The following XRCC3 variants were observed in gnomAD, a reference collection of about 807,000 sequenced individuals.
The protein encoded by XRCC3 is X-ray repair cross complementing 3.
In XRCC3, 34 loss-of-function variants were observed where a neutral mutation model predicts 29.2. The observed-to-expected ratio is 1.16, with a 90% CI of 0.88 to 1.55. XRCC3 has a LOEUF of 1.55. Ranked by LOEUF, XRCC3 falls within the 40% of genes most tolerant of loss-of-function variation. The pLI, the probability that XRCC3 is intolerant of heterozygous loss-of-function variation, is 0.00. For missense variants in XRCC3, 463 were observed against 467.6 expected (o/e 0.99, Z 0.09); for synonymous variants, 223 against 211.3 (o/e 1.06, Z -0.48).
Position 103,698,528 on chromosome 14 carries a change from C to T in XRCC3, c.*270G>A. The T allele has an allele frequency of 3.9e-6, 2 of 518,016 alleles. No individual in the cohort carries two copies. The highest frequency in any genetic ancestry group is 7.0e-6 in the Non-Finnish European group (2 of 284,068). 32.1% of individuals were successfully genotyped at this position (518,016 alleles called of 1,614,324 possible). On this transcript the variant is annotated 3_prime_UTR_variant, in exon 10 of 10. Transcript: ENST00000555055. ...CAGGCTCCAGCCCTGAGAATCACCT[C>T]TCCCCAAGGGCCAGCTCAGCAGTGG...
chr14:103,708,250 C>T lies in XRCC3; in HGVS notation c.193+272G>A, dbSNP rs546650709. Reference sequence around the variant, plus strand: ...TGGGTGCTGACTGCCAAATCCACCCCTGCTTCCTGCACCCCCTCCTCTGGT... The same window carrying T: ...TGGGTGCTGACTGCCAAATCCACCCTTGCTTCCTGCACCCCCTCCTCTGGT... On this transcript the variant is annotated intron_variant, in intron 5 of 9. Transcript: ENST00000555055. 4 of 515,014 alleles carry T rather than the reference C, an allele frequency of 7.8e-6. No individual in the cohort carries two copies. In the Admixed American group the frequency reaches 1.3e-4, roughly 17 times the overall value. The allele number at this position is 515,014 out of a possible 1,614,324, so 31.9% of individuals were successfully genotyped here.
At chr14:103,702,697 C>T in intron 7 of XRCC3, 1 of 190,616 alleles carries the variant, frequency 5.2e-6, no homozygotes, top group Non-Finnish European at 1.1e-5. Flanking sequence ...TGCCGCCCTG[C>T]CTGCCTGGCC....
Position 103,711,183 on chromosome 14 carries a change from G to A in XRCC3, c.-96C>T, listed in dbSNP as rs564460234. 2.1e-6 allele frequency: 3 copies of A among 1,402,062 alleles called. No homozygotes were observed. Among genetic ancestry groups the A allele is most frequent in the African/African-American group, 2.8e-5 (2 of 70,446 alleles). The allele number at this position is 1,402,062 out of a possible 1,614,324, so 86.9% of individuals were successfully genotyped here. A position where few individuals can be genotyped will look rare whatever the true frequency, so the allele number is the denominator to read the frequency against. On this transcript the variant is annotated 5_prime_UTR_variant, in exon 4 of 10. Transcript: ENST00000555055. ...GGCACTCGCCTTCAATTCAAAGCCT[G>A]TGGGAGGCCCGAACCAGGGAAGTGA...
rs765853123 is a variant in XRCC3 at position 103,699,359 on chromosome 14, C to T, written c.774+5G>A. On this transcript the variant is annotated splice_donor_5th_base_variant and intron_variant, in intron 8 of 9. Coordinates refer to ENST00000555055, the MANE Select transcript of XRCC3 (RefSeq NM_005432.4). ...TCAGGGGTGCAACCCTGCCTTGGTG[C>T]TCACCTGGTTGATGCACAGCACAGG... is the stretch of plus-strand genomic sequence containing the variant. The T allele has an allele frequency of 6.3e-7, 1 of 1,599,884 alleles. No homozygotes were observed. The highest frequency in any genetic ancestry group is 8.5e-7 in the Non-Finnish European group (1 of 1,174,162).
chr14:103,710,949 T>TA (rs2083606316), intron 4 of XRCC3, 84 bp downstream of exon 4: 2 of 1,426,934 alleles, frequency 1.4e-6, no homozygotes, highest in African/African-American at 2.8e-5. Flanking sequence ...AAGGAAGGCT[T>TA]AGCCAGCCAG....
chr14:103,701,576 T>G, intron 7 of XRCC3: 1 of 198,570 alleles, frequency 5.0e-6, no homozygotes, highest in Non-Finnish European at 1.0e-5. Flanking sequence ...TAAGACCTCT[T>G]AGAAGTGGGG....
At chr14:103,712,693 T>A (rs2083676442) in intron 2 of XRCC3, 182 bp downstream of exon 2, 1 of 152,602 alleles carries the variant, frequency 6.6e-6, no homozygotes, top group African/African-American at 2.4e-5. Flanking sequence ...GCCTGGGGGC[T>A]GTCGGGAGGC....
chr14:103,702,788 G>A (rs1158114361), intron 7 of XRCC3: 8 of 286,072 alleles, frequency 2.8e-5, no homozygotes, highest in Non-Finnish European at 5.6e-5. Flanking sequence ...ATCTGTGCAC[G>A]TCCTCATGAA....
intron 5 of XRCC3, chr14:103,708,301 C>T: frequency 1.5e-6 from 1 of 654,684 alleles, no homozygotes; most frequent in Non-Finnish European, 2.6e-6. Context: ...CCCAGGAGGT[C>T]CCACAGCCCG....
At chr14:103,706,840 C>T in intron 6 of XRCC3, 163 bp downstream of exon 6, 1 of 850,014 alleles carries the variant, frequency 1.2e-6, no homozygotes, top group South Asian at 1.5e-5. Context: ...ACTTCCCCCT[C>T]CCTGTTCTGG....
chr14:103,703,515 C>T (rs574593851), intron 6 of XRCC3, 188 bp from the exon 7 acceptor site: 3 of 674,322 alleles, frequency 4.4e-6, no homozygotes, highest in African/African-American at 3.5e-5. Flanking sequence ...CCTCCGGGGC[C>T]AGGTGACCCC....
At chr14:103,714,701 A>G (rs910527197) in intron 1 of XRCC3, among the ~76,000 whole-genome samples, 4 of 152,172 alleles carry the variant, frequency 2.6e-5, no homozygotes, top group African/African-American at 4.8e-5. Context: ...GCTTTCTGAG[A>G]TGGAGTCTTT....
In XRCC3 at chr14:103,711,123, C is replaced by G. The variant is rs370388004; in HGVS notation, c.-36G>C. On this transcript the variant is annotated 5_prime_UTR_variant, in exon 4 of 10. Coordinates refer to ENST00000555055, the MANE Select transcript of XRCC3 (RefSeq NM_005432.4). ...GGCTGGCCACCAGGATGAATAACTTCCCAGGAAAGACAGAACAATGGATGC... is the reference window on the plus strand; with the variant it reads ...GGCTGGCCACCAGGATGAATAACTTGCCAGGAAAGACAGAACAATGGATGC... 6 of 1,611,308 alleles carry G rather than the reference C, an allele frequency of 3.7e-6. No individual in the cohort carries two copies. The highest frequency in any genetic ancestry group is 3.3e-5 in the Admixed American group (2 of 60,000).
chr14:103,709,163 G>A (rs2083541785), intron 4 of XRCC3: 1 of 274,424 alleles, frequency 3.6e-6, no homozygotes, highest in Non-Finnish European at 7.1e-6. Context: ...AGGTCCAAAC[G>A]CCAGCTGCGC....
At chr14:103,703,607 C>T (rs2083319293) in intron 6 of XRCC3, 1 of 475,798 alleles carries the variant, frequency 2.1e-6, no homozygotes, top group Admixed American at 3.3e-5. Flanking sequence ...CTGGAATGGC[C>T]ACAGATGGGA....
rs1351978425 is a variant in XRCC3, at chr14:103,711,404, T to C, written c.-159+62A>G. On this transcript the variant is annotated intron_variant, in intron 3 of 9. Transcript: ENST00000555055. ...CCCCAAACCCACCACATTTACCTCC[T>C]GTGGAAAGTGCTAGAAATAAGACCA... 1.6e-5 allele frequency: 9 copies of C among 574,072 alleles called. No individual in the cohort carries two copies. In the Admixed American group the frequency reaches 2.0e-4, roughly 12 times the overall value. The allele number at this position is 574,072 out of a possible 1,614,324, so 35.6% of individuals were successfully genotyped here. A position where few individuals can be genotyped will look rare whatever the true frequency, so the allele number is the denominator to read the frequency against.
chr14:103,711,134 CAG>C lies in XRCC3; in HGVS notation c.-49_-48del, dbSNP rs1261552519. ...AGGATGAATAACTTCCCAGGAAAGA[CAG>C]AACAATGGATGCAAATTCTGAGGCA... On this transcript the variant is annotated 5_prime_UTR_variant, in exon 4 of 10. Coordinates refer to ENST00000555055, the MANE Select transcript of XRCC3 (RefSeq NM_005432.4). The C allele has an allele frequency of 1.2e-6, 2 of 1,605,780 alleles. No individual in the cohort carries two copies. The highest frequency in any genetic ancestry group is 3.3e-5 in the Admixed American group (2 of 60,016).
intron 4 of XRCC3, chr14:103,709,526 A>G (rs976943518): frequency 1.4e-4 from 21 of 152,468 alleles, no homozygotes; most frequent in African/African-American, 5.0e-4. Context: ...GAAAACAGTA[A>G]GCACTGGTGT....
At chr14:103,707,238 G>T in intron 5 of XRCC3, 23 bp from the exon 6 acceptor site, 1 of 1,548,190 alleles carries the variant, frequency 6.5e-7, no homozygotes, top group Non-Finnish European at 8.7e-7. Flanking sequence ...GATAGTGTCA[G>T]GCCTGACTCT....
Sources: gnomAD v4.1 joint callset for allele counts (sites outside exome capture counted in the v4.1 genomes callset) on GRCh38, gnomAD v4.1.1 for gene constraint, MANE v1.5 for transcripts, NCBI Gene and HGNC (gene_info 2026-07-23, HGNC 2026-07-21) for gene names.